Variants in WFDC3 observed in about 807,000 individuals in gnomAD.
The protein encoded by WFDC3 is WAP four-disulfide core domain 3.
WFDC3 carries 15 observed loss-of-function variants against 25.8 expected under a neutral mutation model. The ratio of observed to expected loss-of-function variants is 0.58; its 90% CI spans 0.39 to 0.89. The LOEUF is 0.89. Among genes scored for constraint, WFDC3 ranks in the 40% least tolerant of loss-of-function variants. The probability of loss-of-function intolerance (pLI) is 0.00; values close to 1 mark genes in which losing one functional copy is unlikely to be tolerated. For missense variants in WFDC3, 264 were observed against 289.8 expected (o/e 0.91, Z 0.65); for synonymous variants, 103 against 107.1 (o/e 0.96, Z 0.24).
At chr20:45,778,320 G>T (rs937611660) in intron 4 of WFDC3, among the ~76,000 whole-genome samples, 10 of 152,100 alleles carry the variant, frequency 6.6e-5, no homozygotes, top group African/African-American at 2.4e-4. Flanking sequence ...ACATCATGTG[G>T]GTATATGAAC....
chr20:45,775,829 C>G (rs556063720), intron 5 of WFDC3, among the ~76,000 whole-genome samples: 13 of 148,338 alleles, frequency 8.8e-5, no homozygotes, highest in African/African-American at 3.2e-4. Flanking sequence ...AGGGAGTTCC[C>G]AAGAGGTAAC....
intron 4 of WFDC3, among the ~76,000 whole-genome samples, chr20:45,785,268 G>C (rs747653814): frequency 6.6e-6 from 1 of 151,936 alleles, no homozygotes; most frequent in East Asian, 1.9e-4. Context: ...TCAGGAGTTC[G>C]AGATCAGCCT....
rs1980817653 is a variant in WFDC3, at chr20:45,789,035, T to C, written c.107A>G (p.His36Arg). ...GCACAGCTCTTTGCATGGGTTCTTA[T>C]GGGGAGGGCATTCTCCCTCTTTTGC... ...EHAKEGECPP[H>R]KNPCKELCQG... The change falls in exon 3 of 7, where the codon CAT becomes CGT. Residue 36 changes from histidine to arginine, a missense_variant. Coordinates refer to ENST00000243938, the MANE Select transcript of WFDC3 (RefSeq NM_080614.2). 6.2e-7 allele frequency: 1 copy of C among 1,613,032 alleles called. No homozygotes were observed. The highest frequency in any genetic ancestry group is 1.7e-5 in the Admixed American group (1 of 59,528).
chr20:45,782,700 GTA>G (rs932844985), intron 4 of WFDC3, among the ~76,000 whole-genome samples: 4 of 152,178 alleles, frequency 2.6e-5, no homozygotes, highest in Non-Finnish European at 5.9e-5. Context: ...TATGTCTGCA[GTA>G]TCTCCAACCC....
intron 1 of WFDC3, among the ~76,000 whole-genome samples, chr20:45,791,178 T>C (rs957607493): frequency 2.5e-5 from 3 of 120,400 alleles, no homozygotes; most frequent in Non-Finnish European, 4.7e-5. Flanking sequence ...ATATGCTTTT[T>C]TTTTTTTTTT....
At chr20:45,779,037 T>C (rs1781103411) in intron 4 of WFDC3, among the ~76,000 whole-genome samples, 1 of 152,198 alleles carries the variant, frequency 6.6e-6, no homozygotes. Flanking sequence ...AGAAGAATCT[T>C]GCCCAGAACT....
In WFDC3 at chr20:45,777,129, G is replaced by A; in HGVS notation, c.439C>T (p.His147Tyr). ...CDGDASCPQG[H>Y]KCCSTGCGRT... The stretch of plus-strand genomic sequence containing the variant: ...CCACAGCCGGTGCTGCAGCATTTAT[G>A]CCCCTGGGGACAGGATGCATCCCCA... The change falls in exon 5 of 7, where the codon CAT (histidine) becomes TAT (tyrosine). Residue 147 changes from histidine to tyrosine, a missense_variant. Coordinates refer to ENST00000243938, the MANE Select transcript of WFDC3 (RefSeq NM_080614.2). 6.2e-7 allele frequency: 1 copy of A among 1,611,714 alleles called. No homozygotes were observed. Among genetic ancestry groups the A allele is most frequent in the Non-Finnish European group, 8.5e-7 (1 of 1,179,002 alleles).
chr20:45,779,415 AAAC>A (rs1482506409), intron 4 of WFDC3, among the ~76,000 whole-genome samples: 1 of 152,202 alleles, frequency 6.6e-6, no homozygotes, highest in Non-Finnish European at 1.5e-5. Context: ...ACATGCAGCT[AAAC>A]AACCCAGGCG....
At chr20:45,791,682 C>G in intron 1 of WFDC3, 150 bp downstream of exon 1, 1 of 251,126 alleles carries the variant, frequency 4.0e-6, no homozygotes. Flanking sequence ...CCCCAGCCTA[C>G]AGAAAACTGG....
chr20:45,777,805 GC>G (rs1164976657), intron 4 of WFDC3, among the ~76,000 whole-genome samples: 4 of 151,316 alleles, frequency 2.6e-5, no homozygotes, highest in South Asian at 2.1e-4. Flanking sequence ...ACAGGCGTGA[GC>G]CCCCCCACCC....
intron 4 of WFDC3, among the ~76,000 whole-genome samples, chr20:45,781,405 A>T (rs1274016443): frequency 6.6e-6 from 1 of 152,230 alleles, no homozygotes; most frequent in Non-Finnish European, 1.5e-5. Flanking sequence ...AGGAAAAGTT[A>T]TCCACCAGTG....
At chr20:45,775,382 G>T in intron 6 of WFDC3, 35 bp downstream of exon 6, 2 of 1,603,904 alleles carry the variant, frequency 1.2e-6, no homozygotes, top group Non-Finnish European at 1.7e-6. Context: ...CATAGCAGTT[G>T]TCTGTTATTG....
intron 2 of WFDC3, 130 bp downstream of exon 2, chr20:45,789,754 TATTCATCCAG>T (rs1980861634): frequency 1.5e-6 from 1 of 686,258 alleles, no homozygotes; most frequent in African/African-American, 1.8e-5. Context: ...CCTGAGAATC[TATTCATCCAG>T]TCCTGTCCTA....
At chr20:45,789,098 G>A (rs1305944441) in intron 2 of WFDC3, 39 bp from the exon 3 acceptor site, 1 of 1,608,960 alleles carries the variant, frequency 6.2e-7, no homozygotes, top group Middle Eastern at 1.7e-4. Context: ...TAACTAGCCA[G>A]GCCTCAGAAA....
intron 1 of WFDC3, chr20:45,790,896 C>A: frequency 2.1e-6 from 1 of 471,110 alleles, no homozygotes; most frequent in Non-Finnish European, 4.4e-6. Context: ...AGAGAAGTTG[C>A]TATGTATGAC....
chr20:45,775,651 A>G (rs760981661), intron 5 of WFDC3, 49 bp from the exon 6 acceptor site: 126 of 1,606,566 alleles, frequency 7.8e-5, no homozygotes, highest in Non-Finnish European at 1.0e-4. Flanking sequence ...CAGCTCTGCC[A>G]TCTCCATGTT....
chr20:45,777,581 C>T (rs1980250184), intron 4 of WFDC3, among the ~76,000 whole-genome samples: 2 of 151,436 alleles, frequency 1.3e-5, no homozygotes, highest in African/African-American at 2.4e-5. Context: ...TACAGTGGCA[C>T]AATCATAGCT....
chr20:45,776,622 GA>G (rs1226870114), intron 5 of WFDC3, among the ~76,000 whole-genome samples: 1,294 of 76,230 alleles, frequency 0.017, 9 homozygotes, highest in South Asian at 0.031. Context: ...AGAAAAAAAA[GA>G]AAAAAAAAAA....
At position 45,774,389 on chromosome 20, in the gene WFDC3, T is replaced by C. The variant is rs1980039025; in HGVS notation, c.*39A>G. 1 of 1,613,904 alleles carries C rather than the reference T, an allele frequency of 6.2e-7. No individual in the cohort carries two copies. Among genetic ancestry groups the C allele is most frequent in the Admixed American group, 1.7e-5 (1 of 59,982 alleles). ...CCTCTCTTGACTGCCAGGAAAAGCT[T>C]CCAGAATTACCAAAGAAGCTCCAGA... On this transcript the variant is annotated 3_prime_UTR_variant, in exon 7 of 7. Coordinates refer to ENST00000243938, the MANE Select transcript of WFDC3 (RefSeq NM_080614.2).
Sources: allele counts gnomAD v4.1 joint callset (sites outside exome capture counted in the v4.1 genomes callset), GRCh38; gene constraint gnomAD v4.1.1; transcripts MANE v1.5; gene names NCBI Gene and HGNC (gene_info 2026-07-23, HGNC 2026-07-21).